Variants in NXPE2 observed in about 807,000 individuals in gnomAD.
NXPE2 encodes NXPE family member 2.
Under a neutral mutation model 34.4 loss-of-function variants are expected in NXPE2, and 34 were observed. That is an observed-to-expected ratio of 0.99 (90% CI 0.75 to 1.31). The LOEUF (loss-of-function observed/expected upper bound fraction) is 1.31, where lower values mean the gene tolerates loss of function less well. Among genes scored for constraint, NXPE2 ranks in the 40% most tolerant of loss-of-function variants. The pLI, the probability that NXPE2 is intolerant of heterozygous loss-of-function variation, is 0.00. For missense variants in NXPE2, 649 were observed against 672.5 expected (o/e 0.97, Z 0.39); for synonymous variants, 235 against 231.3 (o/e 1.02, Z -0.15).
At chr11:114,806,010 G>A in the NXPE2 span, among the ~76,000 whole-genome samples, 45 of 152,274 alleles carry the variant, frequency 3.0e-4, 1 homozygote, top group Middle Eastern at 3.4e-3. Flanking sequence ...TCAGAGGAAC[G>A]ATCAGGCAGC....
chr11:114,572,804 A>C, the NXPE2 span, among the ~76,000 whole-genome samples: 1 of 152,208 alleles, frequency 6.6e-6, no homozygotes, highest in Non-Finnish European at 1.5e-5. Context: ...GACTAATCGA[A>C]GAAAATTTCC....
chr11:114,524,525 G>A, the NXPE2 span, among the ~76,000 whole-genome samples: 9 of 152,194 alleles, frequency 5.9e-5, no homozygotes, highest in Non-Finnish European at 1.2e-4. Context: ...GCTTACTAAA[G>A]GGAGTTTGTA....
the NXPE2 span, among the ~76,000 whole-genome samples, chr11:114,738,481 G>A: frequency 6.6e-6 from 1 of 152,104 alleles, no homozygotes; most frequent in Non-Finnish European, 1.5e-5. Context: ...GGGACCTAAA[G>A]CAATTGGGAT....
the NXPE2 span, among the ~76,000 whole-genome samples, chr11:114,596,521 C>T: frequency 6.6e-6 from 1 of 152,204 alleles, no homozygotes; most frequent in Non-Finnish European, 1.5e-5. Context: ...ACCAGTTTCA[C>T]AACTGGTCTA....
chr11:114,662,770 G>A, the NXPE2 span, among the ~76,000 whole-genome samples: 2 of 152,124 alleles, frequency 1.3e-5, no homozygotes, highest in Non-Finnish European at 1.5e-5. Flanking sequence ...CCTAGCTCCC[G>A]AGTGACATTT....
chr11:114,785,984 A>G, the NXPE2 span, among the ~76,000 whole-genome samples: 2 of 152,212 alleles, frequency 1.3e-5, no homozygotes, highest in African/African-American at 2.4e-5. Context: ...TGTAAAAAAA[A>G]GAAGACACCT....
chr11:114,634,656 G>T, the NXPE2 span, among the ~76,000 whole-genome samples: 1 of 151,948 alleles, frequency 6.6e-6, no homozygotes, highest in African/African-American at 2.4e-5. Context: ...TGTAAGGAAG[G>T]GATCCAGTTT....
rs1192177614 is a variant in NXPE2 at position 114,696,335 on chromosome 11, AAAACC to A, written c.133-1706_133-1702del. Reference sequence around the variant, plus strand: ...TGACAGAGTGAGACTCCATATCAAAAAAACCAAAAAAAAAAAAAAAAAAAGAAAGA... The same window carrying A: ...TGACAGAGTGAGACTCCATATCAAAAAAAAAAAAAAAAAAAAAAAGAAAGA... On this transcript the variant is annotated intron_variant, in intron 2 of 5. Coordinates refer to ENST00000389586, the MANE Select transcript of NXPE2 (RefSeq NM_182495.6). 1.5e-4 allele frequency among the ~76,000 whole-genome samples: 20 copies of A among 131,218 alleles called. 1 individual carries two copies. The highest frequency in any genetic ancestry group is 2.8e-4 in the Non-Finnish European group (16 of 57,732). The allele number at this position is 131,218 out of a possible 152,430, so 86.1% of individuals were successfully genotyped here. A position where few individuals can be genotyped will look rare whatever the true frequency, so the allele number is the denominator to read the frequency against.
At chr11:114,619,168 T>C in the NXPE2 span, among the ~76,000 whole-genome samples, 46 of 146,534 alleles carry the variant, frequency 3.1e-4, no homozygotes, top group African/African-American at 1.1e-3. Context: ...GTATTGCCTC[T>C]AGGGTTATCA....
chr11:114,484,222 A>G, the NXPE2 span, among the ~76,000 whole-genome samples: 1 of 152,120 alleles, frequency 6.6e-6, no homozygotes, highest in Admixed American at 6.5e-5. Flanking sequence ...TGACTAATGG[A>G]ATTATATATC....
chr11:114,685,816 C>T (rs754016653), intron 2 of NXPE2, among the ~76,000 whole-genome samples: 11 of 152,072 alleles, frequency 7.2e-5, no homozygotes, highest in Non-Finnish European at 8.8e-5. Flanking sequence ...TCCTTGCTCA[C>T]ATTTGTGTCT....
chr11:114,532,508 T>A, the NXPE2 span, among the ~76,000 whole-genome samples: 1 of 152,192 alleles, frequency 6.6e-6, no homozygotes, highest in African/African-American at 2.4e-5. Flanking sequence ...TTTTCTATTT[T>A]TCCCACCTCC....
At chr11:114,567,392 A>G in the NXPE2 span, among the ~76,000 whole-genome samples, 1 of 151,900 alleles carries the variant, frequency 6.6e-6, no homozygotes, top group East Asian at 1.9e-4. Flanking sequence ...TTGTCCAGCA[A>G]CTGCAGACCC....
At chr11:114,679,831 C>A in intron 2 of NXPE2, 69 bp downstream of exon 2, 1 of 871,310 alleles carries the variant, frequency 1.1e-6, no homozygotes. Context: ...CCCCCTTTAT[C>A]ATGGCAAGAA....
chr11:114,514,848 T>C, the NXPE2 span, among the ~76,000 whole-genome samples: 1 of 152,142 alleles, frequency 6.6e-6, no homozygotes, highest in African/African-American at 2.4e-5. Flanking sequence ...ACTGTATTTT[T>C]TGCTTATTTA....
chr11:114,725,963 A>G, the NXPE2 span, among the ~76,000 whole-genome samples: 2 of 80,726 alleles, frequency 2.5e-5, no homozygotes, highest in Non-Finnish European at 5.0e-5. Context: ...AACTTAAAGT[A>G]TAATAAAAAA....
At chr11:114,506,842 CAA>C in the NXPE2 span, among the ~76,000 whole-genome samples, 1 of 151,960 alleles carries the variant, frequency 6.6e-6, no homozygotes, top group Non-Finnish European at 1.5e-5. Flanking sequence ...CAGAAGCAAA[CAA>C]ATCCCAAAGC....
chr11:114,788,104 T>C, the NXPE2 span, among the ~76,000 whole-genome samples: 1 of 152,118 alleles, frequency 6.6e-6, no homozygotes. Context: ...CCCGCACACA[T>C]GTCTAACAGA....
the NXPE2 span, among the ~76,000 whole-genome samples, chr11:114,658,796 C>A: frequency 1.3e-5 from 2 of 152,052 alleles, no homozygotes; most frequent in African/African-American, 4.8e-5. Flanking sequence ...TTCCCTAACC[C>A]TACAAAATAA....
Sources: gnomAD v4.1 joint callset for allele counts (sites outside exome capture counted in the v4.1 genomes callset) on GRCh38, gnomAD v4.1.1 for gene constraint, MANE v1.5 for transcripts, NCBI Gene and HGNC (gene_info 2026-07-23, HGNC 2026-07-21) for gene names.